The following DSCAM variants were observed in gnomAD, a reference collection of about 807,000 sequenced individuals.
DSCAM encodes the protein cell adhesion molecule DSCAM.
Under a neutral mutation model 217.7 loss-of-function variants are expected in DSCAM, and 47 were observed. That is an observed-to-expected ratio of 0.22 (90% CI 0.17 to 0.28). The LOEUF (loss-of-function observed/expected upper bound fraction) is 0.28, where lower values mean the gene tolerates loss of function less well. DSCAM is among the 10% of genes least tolerant of loss of function. The probability of loss-of-function intolerance (pLI) is 1.00; values close to 1 mark genes in which losing one functional copy is unlikely to be tolerated. For missense variants in DSCAM, 2,080 were observed against 2,618.3 expected (o/e 0.79, Z 4.49); for synonymous variants, 1,056 against 1,015.3 (o/e 1.04, Z -0.76).
chr21:40,237,419 G>C (rs2073093875), intron 11 of DSCAM, among the ~76,000 whole-genome samples: 1 of 152,094 alleles, frequency 6.6e-6, no homozygotes, highest in South Asian at 2.1e-4. Context: ...CTGTGTCCAT[G>C]TGTTCTCATT....
At chr21:40,159,468 C>T (rs752296060) in intron 16 of DSCAM, among the ~76,000 whole-genome samples, 1 of 152,130 alleles carries the variant, frequency 6.6e-6, no homozygotes, top group Non-Finnish European at 1.5e-5. Flanking sequence ...CTTGATTTTC[C>T]AATTTGTTCT....
chr21:40,624,605 AGAAG>A (rs1268024996), intron 3 of DSCAM, among the ~76,000 whole-genome samples: 2 of 152,232 alleles, frequency 1.3e-5, no homozygotes, highest in Admixed American at 6.5e-5. Flanking sequence ...CCCAAAGAAA[AGAAG>A]GAAGGCTGGC....
chr21:40,562,461 T>C (rs547645660), intron 3 of DSCAM, among the ~76,000 whole-genome samples: 39 of 152,302 alleles, frequency 2.6e-4, no homozygotes, highest in Admixed American at 9.2e-4. Context: ...CCGTTCTTCA[T>C]AGCAATGTAC....
At chr21:40,313,279 A>C (rs1210815716) in intron 8 of DSCAM, among the ~76,000 whole-genome samples, 1 of 152,226 alleles carries the variant, frequency 6.6e-6, no homozygotes, top group East Asian at 1.9e-4. Context: ...TTACGTGTGT[A>C]ACTTTTAATT....
chr21:40,555,809 T>A (rs35284982), intron 3 of DSCAM, among the ~76,000 whole-genome samples: 10,513 of 152,180 alleles, frequency 0.069, 408 homozygotes, highest in East Asian at 0.11. Flanking sequence ...ATATTTTTTT[T>A]AATTTTTTGC....
intron 2 of DSCAM, 133 bp from the exon 3 acceptor site, chr21:40,693,089 A>G: frequency 1.9e-6 from 2 of 1,055,468 alleles, no homozygotes; most frequent in South Asian, 2.3e-5. Flanking sequence ...AACAGTTAAG[A>G]TGCCTACATT....
At chr21:40,610,966 C>T (rs747619904) in intron 3 of DSCAM, among the ~76,000 whole-genome samples, 2 of 151,866 alleles carry the variant, frequency 1.3e-5, no homozygotes, top group Non-Finnish European at 2.9e-5. Flanking sequence ...CAAAATATAA[C>T]ATGAGACATA....
intron 10 of DSCAM, among the ~76,000 whole-genome samples, chr21:40,295,570 G>A (rs549175081): frequency 3.9e-5 from 6 of 152,244 alleles, no homozygotes; most frequent in East Asian, 1.9e-4. Context: ...AGGAGATGAC[G>A]TGTAATCTGT....
chr21:40,231,077 T>C (rs1350624370), intron 11 of DSCAM, among the ~76,000 whole-genome samples: 1 of 151,926 alleles, frequency 6.6e-6, no homozygotes, highest in East Asian at 1.9e-4. Flanking sequence ...GGAAGGAATT[T>C]ATTTCTTGCA....
At chr21:40,490,719 A>G (rs1337737066) in intron 3 of DSCAM, among the ~76,000 whole-genome samples, 1 of 152,174 alleles carries the variant, frequency 6.6e-6, no homozygotes, top group East Asian at 1.9e-4. Flanking sequence ...TTCTTTGCTT[A>G]GTTTTTATCC....
chr21:40,227,361 A>G (rs571442842), intron 11 of DSCAM, among the ~76,000 whole-genome samples: 23 of 152,330 alleles, frequency 1.5e-4, no homozygotes, highest in African/African-American at 5.3e-4. Flanking sequence ...TGAAGATAGA[A>G]CAGGGCAGGC....
chr21:40,379,008 T>C (rs1444619318), intron 3 of DSCAM, among the ~76,000 whole-genome samples: 3 of 152,198 alleles, frequency 2.0e-5, no homozygotes, highest in Non-Finnish European at 4.4e-5. Flanking sequence ...TATGTACACA[T>C]ACCCTGCAGA....
At chr21:40,697,800 G>C (rs1026473695) in intron 2 of DSCAM, among the ~76,000 whole-genome samples, 2 of 152,052 alleles carry the variant, frequency 1.3e-5, no homozygotes, top group African/African-American at 4.8e-5. Context: ...TTTTTGCTCA[G>C]GATTGCTTTA....
intron 16 of DSCAM, among the ~76,000 whole-genome samples, chr21:40,149,099 C>A (rs1186483348): frequency 2.0e-5 from 3 of 152,058 alleles, no homozygotes; most frequent in African/African-American, 7.2e-5. Flanking sequence ...ACAACTATCA[C>A]CACAACCATC....
At chr21:40,588,157 C>T (rs1343614292) in intron 3 of DSCAM, among the ~76,000 whole-genome samples, 2 of 152,058 alleles carry the variant, frequency 1.3e-5, no homozygotes, top group African/African-American at 4.8e-5. Flanking sequence ...CTTGGCGGGC[C>T]CCTCAGCTGC....
chr21:40,137,263 G>GA (rs1555882461), intron 18 of DSCAM, among the ~76,000 whole-genome samples: 1 of 5,772 alleles, frequency 1.7e-4, no homozygotes, highest in African/African-American at 3.5e-4. Context: ...AATTAACATT[G>GA]GGGGGGGGGT....
chr21:40,563,819 G>T (rs1250675688), intron 3 of DSCAM, among the ~76,000 whole-genome samples: 2 of 145,990 alleles, frequency 1.4e-5, no homozygotes, highest in African/African-American at 2.6e-5. Context: ...TGTATATATA[G>T]TTATATGTTT....
At chr21:40,290,376 A>G (rs759419628) in intron 10 of DSCAM, among the ~76,000 whole-genome samples, 4 of 152,204 alleles carry the variant, frequency 2.6e-5, no homozygotes, top group Non-Finnish European at 4.4e-5. Flanking sequence ...TAATCCCAGC[A>G]CTTTGGGAGA....
chr21:40,064,989 T>A (rs2089184888), intron 27 of DSCAM, among the ~76,000 whole-genome samples: 1 of 152,224 alleles, frequency 6.6e-6, no homozygotes, highest in Non-Finnish European at 1.5e-5. Flanking sequence ...GTTGAAAGCT[T>A]CTTAGTCCTT....
Sources: allele counts gnomAD v4.1 joint callset (sites outside exome capture counted in the v4.1 genomes callset), GRCh38; gene constraint gnomAD v4.1.1; transcripts MANE v1.5; gene names NCBI Gene and HGNC (gene_info 2026-07-23, HGNC 2026-07-21).